Variants in DENND5A observed in about 807,000 individuals in gnomAD.
DENND5A encodes DENN domain-containing protein 5A.
In DENND5A, 64 loss-of-function variants were observed where a neutral mutation model predicts 140.3. The ratio of observed to expected loss-of-function variants is 0.46; its 90% CI spans 0.37 to 0.56. The LOEUF is 0.56. DENND5A is among the 20% of genes least tolerant of loss of function. The probability of loss-of-function intolerance (pLI) is 0.00; values close to 1 mark genes in which losing one functional copy is unlikely to be tolerated. For synonymous variants in DENND5A, 605 were observed against 607.7 expected (o/e 1.00, Z 0.07); for missense variants, 1,292 against 1,593.8 (o/e 0.81, Z 3.22).
chr11:9,258,727 AGAATGAAATGTGGCAAG>A (rs146432583), intron 1 of DENND5A, among the ~76,000 whole-genome samples: 3,372 of 152,312 alleles, frequency 0.022, 124 homozygotes, highest in African/African-American at 0.076. Context: ...GTAGCAGAAA[AGAATGAAATGTGGCAAG>A]GGAGACAAAT....
chr11:9,182,796 C>A (rs914681174), intron 5 of DENND5A, among the ~76,000 whole-genome samples: 10 of 152,162 alleles, frequency 6.6e-5, no homozygotes, highest in Admixed American at 5.9e-4. Flanking sequence ...GACTGATTAT[C>A]CAATACAAAA....
chr11:9,265,170 C>T lies in DENND5A; in HGVS notation c.-101G>A. On this transcript the variant is annotated 5_prime_UTR_variant, in exon 1 of 23. Coordinates refer to ENST00000328194, the MANE Select transcript of DENND5A (RefSeq NM_015213.4). The surrounding 1 kb of genome is among the most constrained non-coding windows in gnomAD (Gnocchi z 4.7). Reference sequence around the variant, plus strand: ...CCTCAGGCCGCCCCTCCCGCCGCCGCCGCTACCGCGGCTCGGGCCGCCGCC... The same window carrying T: ...CCTCAGGCCGCCCCTCCCGCCGCCGTCGCTACCGCGGCTCGGGCCGCCGCC... 2 of 618,742 alleles carry T rather than the reference C, an allele frequency of 3.2e-6. No individual in the cohort carries two copies. Among genetic ancestry groups the T allele is most frequent in the African/African-American group, 2.0e-5 (1 of 49,534 alleles). The allele number at this position is 618,742 out of a possible 1,614,324, so 38.3% of individuals were successfully genotyped here.
At chr11:9,144,801 A>G (rs1847369474) in intron 18 of DENND5A, among the ~76,000 whole-genome samples, 194 bp downstream of exon 18, 1 of 151,982 alleles carries the variant, frequency 6.6e-6, no homozygotes, top group South Asian at 2.1e-4. Flanking sequence ...AAAAAAAAAA[A>G]AGAAAGAAAA....
intron 11 of DENND5A, among the ~76,000 whole-genome samples, chr11:9,161,117 T>C (rs1000302609): frequency 1.1e-4 from 16 of 152,118 alleles, no homozygotes; most frequent in Non-Finnish European, 1.9e-4. Flanking sequence ...GGAGGCCTAG[T>C]TGGGCGGATC....
chr11:9,156,014 T>G (rs1847790590), intron 12 of DENND5A, among the ~76,000 whole-genome samples: 1 of 152,160 alleles, frequency 6.6e-6, no homozygotes, highest in Non-Finnish European at 1.5e-5. Flanking sequence ...CATAATAAAA[T>G]CACCCTCTGA....
At chr11:9,179,219 G>GA (rs1004364595) in intron 6 of DENND5A, 146 bp from the exon 7 acceptor site, 3 of 664,598 alleles carry the variant, frequency 4.5e-6, no homozygotes, top group African/African-American at 3.7e-5. Flanking sequence ...GGAAAAACTG[G>GA]AAAAAATAAA....
intron 4 of DENND5A, among the ~76,000 whole-genome samples, chr11:9,196,713 T>C (rs990271678): frequency 5.3e-5 from 8 of 152,024 alleles, no homozygotes; most frequent in African/African-American, 1.9e-4. Flanking sequence ...TGGGTTCAAG[T>C]GATTCTCGTG....
chr11:9,152,287 A>C (rs1847643086), intron 13 of DENND5A, 71 bp downstream of exon 13: 1 of 1,173,672 alleles, frequency 8.5e-7, no homozygotes, highest in Non-Finnish European at 1.3e-6. Flanking sequence ...AGTTTGCTTC[A>C]AAGTGATCAC....
chr11:9,241,038 T>C (rs934533712), intron 1 of DENND5A, among the ~76,000 whole-genome samples: 1 of 152,184 alleles, frequency 6.6e-6, no homozygotes, highest in Admixed American at 6.6e-5. Flanking sequence ...TATGTGCATG[T>C]CTGTGTGTGA....
chr11:9,150,179 A>G lies in DENND5A; in HGVS notation c.2637T>C (p.Thr879=), dbSNP rs1847568380. ...CCCATGCTCTGGCCTTTCCCACATC[A>G]GTCTTGATTTCCCCGATGTTCTGGA... The part of the protein sequence containing the change: ...RHIQNIGEIK[T]DVGKARAWVR... Residue 879 remains threonine, a synonymous_variant, in exon 15 of 23, where the codon ACT becomes ACC. Coordinates refer to ENST00000328194, the MANE Select transcript of DENND5A (RefSeq NM_015213.4). 1 of 1,613,842 alleles carries G rather than the reference A, an allele frequency of 6.2e-7. No individual in the cohort carries two copies. The highest frequency in any genetic ancestry group is 1.3e-5 in the African/African-American group (1 of 75,008).
intron 12 of DENND5A, among the ~76,000 whole-genome samples, chr11:9,159,485 A>G (rs1847911700): frequency 6.6e-6 from 1 of 151,788 alleles, no homozygotes; most frequent in Non-Finnish European, 1.5e-5. Flanking sequence ...CACCTGGCTA[A>G]TTTTGTATTT....
At chr11:9,154,033 T>C (rs1199964054) in intron 12 of DENND5A, among the ~76,000 whole-genome samples, 1 of 152,196 alleles carries the variant, frequency 6.6e-6, no homozygotes, top group African/African-American at 2.4e-5. Context: ...ATGCAGATAA[T>C]AAAATAATAT....
chr11:9,144,943 C>T (rs1847374878), intron 18 of DENND5A, 52 bp downstream of exon 18: 1 of 1,295,348 alleles, frequency 7.7e-7, no homozygotes, highest in Admixed American at 1.7e-5. Context: ...CATCGAAGAG[C>T]TCCTGTAGAT....
At chr11:9,225,231 G>A (rs909522913) in intron 1 of DENND5A, among the ~76,000 whole-genome samples, 5 of 152,280 alleles carry the variant, frequency 3.3e-5, no homozygotes, top group African/African-American at 9.6e-5. Flanking sequence ...TTTAAAAAGT[G>A]TTGATATTAG....
rs533041220 is a variant in DENND5A at position 9,256,277 on chromosome 11, T to C, written c.109+8684A>G. 3.3e-3 allele frequency among the ~76,000 whole-genome samples: 506 copies of C among 152,164 alleles called. 1 individual carries two copies. The highest frequency in any genetic ancestry group is 0.012 in the African/African-American group (484 of 41,512). On this transcript the variant is annotated intron_variant, in intron 1 of 22. Transcript: ENST00000328194. The stretch of plus-strand genomic sequence containing the variant: ...GAGTTCAAGACCAGCCTGGCCAACG[T>C]GGTGAAACCCCGTCTCTACTAAAAA...
intron 4 of DENND5A, among the ~76,000 whole-genome samples, chr11:9,200,285 C>T (rs1458194806): frequency 6.6e-6 from 1 of 152,146 alleles, no homozygotes; most frequent in African/African-American, 2.4e-5. Context: ...AAGTTCCTCC[C>T]TATTCAACTA....
chr11:9,219,838 C>G (rs1250798627), intron 1 of DENND5A, among the ~76,000 whole-genome samples: 1 of 152,248 alleles, frequency 6.6e-6, no homozygotes, highest in Non-Finnish European at 1.5e-5. Context: ...CAAACCACAA[C>G]AGACTTCTAT....
intron 3 of DENND5A, among the ~76,000 whole-genome samples, chr11:9,204,799 T>G (rs747527556): frequency 6.6e-6 from 1 of 152,112 alleles, no homozygotes; most frequent in African/African-American, 2.4e-5. Context: ...GAGACGGAGG[T>G]TGCAGTGAGC....
intron 10 of DENND5A, 83 bp from the exon 11 acceptor site, chr11:9,166,050 G>T: frequency 4.7e-6 from 6 of 1,265,114 alleles, no homozygotes; most frequent in South Asian, 4.1e-5. Flanking sequence ...GCCTGAAGAG[G>T]GCATTATTTT....
Sources: gnomAD v4.1 joint callset for allele counts (sites outside exome capture counted in the v4.1 genomes callset) on GRCh38, gnomAD v4.1.1 for gene constraint, Gnocchi (gnomAD v3.1) non-coding constraint, MANE v1.5 for transcripts, NCBI Gene and HGNC (gene_info 2026-07-23, HGNC 2026-07-21) for gene names.